Variants in PRKCB observed in about 807,000 individuals in gnomAD.
The protein encoded by PRKCB is protein kinase C beta, also known as protein kinase C beta type.
Under a neutral mutation model 81.5 loss-of-function variants are expected in PRKCB, and 13 were observed. The observed-to-expected ratio is 0.16, with a 90% CI of 0.10 to 0.25. The LOEUF is 0.25. Among genes scored for constraint, PRKCB ranks in the 10% least tolerant of loss-of-function variants. The probability of loss-of-function intolerance (pLI) is 1.00; values close to 1 mark genes in which losing one functional copy is unlikely to be tolerated. For synonymous variants in PRKCB, 335 were observed against 321.4 expected (o/e 1.04, Z -0.45); for missense variants, 509 against 875.7 (o/e 0.58, Z 5.29).
chr16:24,132,559 A>AT (rs1966854877), intron 9 of PRKCB, among the ~76,000 whole-genome samples: 2 of 152,190 alleles, frequency 1.3e-5, no homozygotes, highest in South Asian at 4.2e-4. Context: ...AACACCTAAC[A>AT]TTTTTTGGGT....
rs1048457774 is a variant in PRKCB, at chr16:24,219,843, C to G, written c.*5027C>G. 3.1e-5 allele frequency: 44 copies of G among 1,430,218 alleles called. No individual in the cohort carries two copies. In the African/African-American group the frequency reaches 5.0e-4, roughly 16 times the overall value. The allele number at this position is 1,430,218 out of a possible 1,614,324, so 88.6% of individuals were successfully genotyped here. On this transcript the variant is annotated 3_prime_UTR_variant, in exon 17 of 17. Transcript: ENST00000643927. ...GAGTGCAGCTGCTAAAAATTTTCAGCACAGGGCTCTTTCTGACTCTGCTCA... is the reference window on the plus strand; with the variant it reads ...GAGTGCAGCTGCTAAAAATTTTCAGGACAGGGCTCTTTCTGACTCTGCTCA...
chr16:23,902,897 G>C (rs1016129237), intron 2 of PRKCB, among the ~76,000 whole-genome samples: 1 of 149,554 alleles, frequency 6.7e-6, no homozygotes, highest in African/African-American at 2.5e-5. Context: ...TTGAACTACT[G>C]GGCTCAAGCC....
intron 8 of PRKCB, 55 bp from the exon 9 acceptor site, chr16:24,123,780 C>T: frequency 2.5e-6 from 4 of 1,589,924 alleles, no homozygotes; most frequent in Non-Finnish European, 3.4e-6. Flanking sequence ...CTGTGCCTTC[C>T]TACAAGATCG....
intron 8 of PRKCB, among the ~76,000 whole-genome samples, chr16:24,117,830 G>A (rs74718096): frequency 0.052 from 7,963 of 152,278 alleles, 692 homozygotes; most frequent in African/African-American, 0.18. Flanking sequence ...TCAAGTCAGC[G>A]CGGAATGCAT....
chr16:24,107,039 A>T (rs1179829303), intron 7 of PRKCB, among the ~76,000 whole-genome samples: 6 of 152,342 alleles, frequency 3.9e-5, no homozygotes, highest in Middle Eastern at 6.8e-3. Flanking sequence ...CACTTGCCAG[A>T]AACATTTCTC....
At chr16:23,901,295 A>T (rs1597236230) in intron 2 of PRKCB, among the ~76,000 whole-genome samples, 1 of 151,998 alleles carries the variant, frequency 6.6e-6, no homozygotes, top group African/African-American at 2.4e-5. Context: ...CCCCTCTCCC[A>T]ATGGGCTGTA....
chr16:24,078,540 A>G (rs1199188483), intron 5 of PRKCB, among the ~76,000 whole-genome samples: 1 of 151,974 alleles, frequency 6.6e-6, no homozygotes, highest in African/African-American at 2.4e-5. Flanking sequence ...GGGCAGGTTT[A>G]CTCTTGTTTT....
In PRKCB at chr16:24,219,250, G is replaced by GTTTT; in HGVS notation, c.*4435_*4438dup. On this transcript the variant is annotated 3_prime_UTR_variant, in exon 17 of 17. Coordinates refer to ENST00000643927, the MANE Select transcript of PRKCB (RefSeq NM_002738.7). ...AATCGAGTTGCTTTGAGTTTCTTTTGTTTTGTTTTGTTTTGTTTTGTTTTA... is the reference window on the plus strand; with the variant it reads ...AATCGAGTTGCTTTGAGTTTCTTTTGTTTTTTTTGTTTTGTTTTGTTTTGTTTTA... 16 of 969,422 alleles carry GTTTT rather than the reference G, an allele frequency of 1.7e-5. No homozygotes were observed. The highest frequency in any genetic ancestry group is 1.8e-5 in the Non-Finnish European group (15 of 815,284). The allele number at this position is 969,422 out of a possible 1,614,324, so 60.1% of individuals were successfully genotyped here.
In PRKCB at chr16:24,219,596, T is replaced by G. The variant is rs1251858954; in HGVS notation, c.*4780T>G. On this transcript the variant is annotated 3_prime_UTR_variant, in exon 17 of 17. Coordinates refer to ENST00000643927, the MANE Select transcript of PRKCB (RefSeq NM_002738.7). The stretch of plus-strand genomic sequence containing the variant: ...TACCTAATGATTATTTCTATAACAT[T>G]AAGCATGGTAATAAGTAGCTTCCAA... The G allele has an allele frequency of 9.8e-7, 1 of 1,016,696 alleles. No homozygotes were observed. The allele number at this position is 1,016,696 out of a possible 1,614,324, so 63.0% of individuals were successfully genotyped here.
chr16:23,895,829 T>G (rs1963369795), intron 2 of PRKCB, among the ~76,000 whole-genome samples: 1 of 152,232 alleles, frequency 6.6e-6, no homozygotes, highest in South Asian at 2.1e-4. Flanking sequence ...ATTGGTTATA[T>G]TGTTATTATT....
chr16:24,098,696 G>A (rs1966470427), intron 7 of PRKCB: 1 of 152,282 alleles, frequency 6.6e-6, no homozygotes, highest in African/African-American at 2.4e-5. Flanking sequence ...GTTGCAGTGA[G>A]CTGAGATGGT....
intron 2 of PRKCB, among the ~76,000 whole-genome samples, chr16:23,961,029 C>T (rs1011088237): frequency 6.6e-6 from 1 of 152,034 alleles, no homozygotes; most frequent in South Asian, 2.1e-4. Flanking sequence ...TTTCCTTTTT[C>T]ATTAATTGGC....
chr16:23,880,571 T>C (rs1376963131), intron 2 of PRKCB, among the ~76,000 whole-genome samples: 1 of 152,160 alleles, frequency 6.6e-6, no homozygotes, highest in African/African-American at 2.4e-5. Flanking sequence ...AAGCTTTGTA[T>C]TTTCTATTTG....
At chr16:23,984,771 T>A (rs938322005) in intron 2 of PRKCB, among the ~76,000 whole-genome samples, 2 of 152,174 alleles carry the variant, frequency 1.3e-5, no homozygotes, top group African/African-American at 4.8e-5. Context: ...AAAGTTTGTT[T>A]GAGTAGAGGT....
intron 7 of PRKCB, among the ~76,000 whole-genome samples, chr16:24,104,899 G>A (rs968358898): frequency 2.0e-5 from 3 of 152,106 alleles, no homozygotes; most frequent in Non-Finnish European, 4.4e-5. Flanking sequence ...TGAAGAACAC[G>A]GGGAGCCAAG....
At chr16:24,103,988 A>T (rs1020179300) in intron 7 of PRKCB, among the ~76,000 whole-genome samples, 2 of 152,082 alleles carry the variant, frequency 1.3e-5, no homozygotes. Flanking sequence ...TATTTTTAGT[A>T]GAGATGGGGT....
At chr16:23,916,664 C>T (rs1963745765) in intron 2 of PRKCB, among the ~76,000 whole-genome samples, 1 of 152,154 alleles carries the variant, frequency 6.6e-6, no homozygotes, top group African/African-American at 2.4e-5. Context: ...TTTTCTCTTC[C>T]TCAAACACGT....
In PRKCB at chr16:23,889,678, G is replaced by GA. The variant is rs779631699; in HGVS notation, c.205+52278dup. ...GTAATTGCTGGTTCTAGATTATCCA[G>GA]AAAAAATCTTTGAGTTATGGCTGCT... On this transcript the variant is annotated intron_variant, in intron 2 of 16. Coordinates refer to ENST00000643927, the MANE Select transcript of PRKCB (RefSeq NM_002738.7). Among the ~76,000 whole-genome samples the GA allele has an allele frequency of 1.9e-3, 296 of 152,338 alleles. 1 individual carries two copies. The highest frequency in any genetic ancestry group is 7.9e-4 in the Non-Finnish European group (54 of 68,038).
At chr16:24,201,727 C>T (rs911944732) in intron 16 of PRKCB, among the ~76,000 whole-genome samples, 3 of 152,108 alleles carry the variant, frequency 2.0e-5, no homozygotes, top group African/African-American at 7.2e-5. Flanking sequence ...AGGAATATCT[C>T]CTTTAAGAAA....
Sources: allele counts gnomAD v4.1 joint callset (sites outside exome capture counted in the v4.1 genomes callset), GRCh38; gene constraint gnomAD v4.1.1; transcripts MANE v1.5; gene names NCBI Gene and HGNC (gene_info 2026-07-23, HGNC 2026-07-21).